The following BTN3A1 variants were observed in gnomAD, a reference collection of about 807,000 sequenced individuals.
BTN3A1 encodes the protein dJ45P21.3 (butyrophilin, subfamily 3, member A1).
A neutral mutation model predicts 43.0 loss-of-function variants in BTN3A1; 24 were observed. The ratio of observed to expected loss-of-function variants is 0.56; its 90% confidence interval spans 0.40 to 0.78. BTN3A1 has a LOEUF of 0.78. Ranked by LOEUF, BTN3A1 falls within the 30% of genes least tolerant of loss-of-function variation. The pLI, the probability that BTN3A1 is intolerant of heterozygous loss-of-function variation, is 0.00. For missense variants in BTN3A1, 533 were observed against 626.2 expected (o/e 0.85, Z 1.59); for synonymous variants, 181 against 234.7 (o/e 0.77, Z 2.09).
At chr6:26,413,121 C>A (rs1762274754) in intron 9 of BTN3A1, 48 bp from the exon 10 acceptor site, 1 of 1,564,306 alleles carries the variant, frequency 6.4e-7, no homozygotes, top group South Asian at 1.2e-5. Flanking sequence ...GCTCTGAAAT[C>A]CAGGAAAAAT....
chr6:26,411,269 T>G, intron 8 of BTN3A1, 134 bp downstream of exon 8: 2 of 1,245,692 alleles, frequency 1.6e-6, no homozygotes, highest in East Asian at 2.4e-5. Flanking sequence ...TTGTGTGTTG[T>G]GGGGGGTTGA....
chr6:26,411,025 A>ATC, intron 7 of BTN3A1, 84 bp from the exon 8 acceptor site: 1 of 796,992 alleles, frequency 1.3e-6, no homozygotes, highest in Non-Finnish European at 2.0e-6. Flanking sequence ...AAAAAAAAAG[A>ATC]TTAGATGGAT....
intron 3 of BTN3A1, among the ~76,000 whole-genome samples, chr6:26,407,071 G>A (rs534524002): frequency 6.6e-6 from 1 of 152,290 alleles, no homozygotes; most frequent in East Asian, 1.9e-4. Flanking sequence ...CATGATGTGG[G>A]GTGGTCTTGT....
chr6:26,413,416 C>G lies in BTN3A1; in HGVS notation c.1266C>G (p.Val422=), dbSNP rs765656749. 6.8e-6 allele frequency: 11 copies of G among 1,614,006 alleles called. No individual in the cohort carries two copies. The highest frequency in any genetic ancestry group is 9.3e-6 in the Non-Finnish European group (11 of 1,180,008). The change falls in exon 10 of 10, where the codon GTC becomes GTG. Residue 422 remains valine, a synonymous_variant. Transcript: ENST00000289361. The part of the protein sequence containing the change: ...CSKNVQRKGW[V]KMTPENGFWT... The stretch of plus-strand genomic sequence containing the variant: ...AGAATGTGCAGAGAAAAGGCTGGGT[C>G]AAAATGACACCTGAGAATGGATTCT...
intron 1 of BTN3A1, among the ~76,000 whole-genome samples, chr6:26,403,061 T>C (rs1476712244): frequency 6.6e-6 from 1 of 152,158 alleles, no homozygotes; most frequent in Non-Finnish European, 1.5e-5. Flanking sequence ...ATTGTATGAA[T>C]ATACAATTTT....
rs747975376 is a variant in BTN3A1 at position 26,409,610 on chromosome 6, G to A, written c.793G>A (p.Gly265Arg). Residue 265 changes from glycine (G) to arginine (R), a missense_variant, in exon 5 of 10, where the codon GGA becomes AGA. Coordinates refer to ENST00000289361, the MANE Select transcript of BTN3A1 (RefSeq NM_007048.6). ...TLPVLLLLLG[G>R]AGYFLWQQQE... ...GCCTGTCTTGCTGCTGCTTCTTGGG[G>A]GAGCCGGTTACTTCCTGTGGCAACA... is the stretch of plus-strand genomic sequence containing the variant. The A allele has an allele frequency of 1.9e-6, 3 of 1,612,236 alleles. No individual in the cohort carries two copies. Among genetic ancestry groups the A allele is most frequent in the Non-Finnish European group, 8.5e-7 (1 of 1,179,532 alleles).
At position 26,405,398 on chromosome 6, in the gene BTN3A1, G is replaced by A; in HGVS notation, c.-166G>A. 1.6e-6 allele frequency: 1 copy of A among 633,176 alleles called. No individual in the cohort carries two copies. Among genetic ancestry groups the A allele is most frequent in the Non-Finnish European group, 2.8e-6 (1 of 352,126 alleles). 39.2% of individuals were successfully genotyped at this position (633,176 alleles called of 1,614,324 possible). On this transcript the variant is annotated 5_prime_UTR_variant, in exon 2 of 10. In the 5' UTR this introduces an upstream ATG that the reference lacks. Coordinates refer to ENST00000289361, the MANE Select transcript of BTN3A1 (RefSeq NM_007048.6). ...TGATTTTCAATGTTGGGACTCAAAG[G>A]TGAAGACACTGAAGGACAGAATTTT...
At position 26,407,731 on chromosome 6, in the gene BTN3A1, A is replaced by G; in HGVS notation, c.494A>G (p.Glu165Gly). The G allele has an allele frequency of 1.2e-6, 2 of 1,614,178 alleles. No homozygotes were observed. The highest frequency in any genetic ancestry group is 1.7e-6 in the Non-Finnish European group (2 of 1,180,018). Residue 165 changes from glutamate to glycine, a missense_variant, in exon 4 of 10, where the codon GAG (glutamate) becomes GGG (glycine). Glu to Gly is a moderately conservative substitution (Grantham distance 98). Transcript: ENST00000289361. Reference sequence around the variant, plus strand: ...TACAAGGATGGAGGGATCCATCTGGAGTGCAGGTCCACTGGCTGGTACCCC... The same window carrying G: ...TACAAGGATGGAGGGATCCATCTGGGGTGCAGGTCCACTGGCTGGTACCCC... ...KGYKDGGIHLECRSTGWYPQP... is the reference protein window; with the variant it reads ...KGYKDGGIHLGCRSTGWYPQP...
Position 26,413,598 on chromosome 6 carries a change from A to G in BTN3A1, c.1448A>G (p.His483Arg), listed in dbSNP as rs757512014. 1 of 1,614,176 alleles carries G rather than the reference A, an allele frequency of 6.2e-7. No homozygotes were observed. Among genetic ancestry groups the G allele is most frequent in the South Asian group, 1.1e-5 (1 of 91,078 alleles). The change falls in exon 10 of 10, where the codon CAT becomes CGT. Residue 483 changes from histidine (H) to arginine (R), a missense_variant. Transcript: ENST00000289361. The part of the protein sequence containing the change: ...FYNAVDGSHI[H>R]TFLDVSFSEA... ...AATGCTGTGGATGGATCGCATATTC[A>G]TACTTTCCTGGACGTCTCCTTCTCT...
At chr6:26,413,025 A>T in intron 9 of BTN3A1, 144 bp from the exon 10 acceptor site, 1 of 1,489,634 alleles carries the variant, frequency 6.7e-7, no homozygotes, top group Non-Finnish European at 8.9e-7. Flanking sequence ...CCTGACATCG[A>T]TGAGAGAGTC....
At chr6:26,411,025 A>AAAAAAAATT in intron 7 of BTN3A1, 84 bp from the exon 8 acceptor site, 15 of 796,962 alleles carry the variant, frequency 1.9e-5, no homozygotes, top group East Asian at 3.0e-5. Context: ...AAAAAAAAAG[A>AAAAAAAATT]TTAGATGGAT....
At position 26,413,184 on chromosome 6, in the gene BTN3A1, A is replaced by T. The variant is rs1214878237; in HGVS notation, c.1034A>T (p.Asp345Val). The part of the protein sequence containing the change: ...ALFKPADVIL[D>V]PKTANPILLV... ...CTCTCTGCAGCGGATGTGATTCTGG[A>T]TCCAAAAACAGCAAACCCCATCCTC... The change falls in exon 10 of 10, where the codon GAT becomes GTT. Residue 345 changes from aspartate (D) to valine (V), a missense_variant. Coordinates refer to ENST00000289361, the MANE Select transcript of BTN3A1 (RefSeq NM_007048.6). 15 of 1,612,438 alleles carry T rather than the reference A, an allele frequency of 9.3e-6. No homozygotes were observed. Among genetic ancestry groups the T allele is most frequent in the Non-Finnish European group, 1.2e-5 (14 of 1,179,118 alleles).
At position 26,413,207 on chromosome 6, in the gene BTN3A1, C is replaced by G; in HGVS notation, c.1057C>G (p.Leu353Val). The change falls in exon 10 of 10, where the codon CTC (leucine) becomes GTC (valine). Residue 353 changes from leucine to valine, a missense_variant. Leu to Val is a conservative substitution (Grantham distance 32). This residue lies in a region of BTN3A1 where 415 missense variants were observed against 427.0 expected (regional missense o/e 0.97). Coordinates refer to ENST00000289361, the MANE Select transcript of BTN3A1 (RefSeq NM_007048.6). ...ILDPKTANPI[L>V]LVSEDQRSVQ... is the part of the protein sequence containing the mutation. Reference sequence around the variant, plus strand: ...GGATCCAAAAACAGCAAACCCCATCCTCCTTGTTTCTGAGGACCAGAGGAG... The same window carrying G: ...GGATCCAAAAACAGCAAACCCCATCGTCCTTGTTTCTGAGGACCAGAGGAG... 6.2e-7 allele frequency: 1 copy of G among 1,614,026 alleles called. No homozygotes were observed.
chr6:26,409,932 C>A lies in BTN3A1; in HGVS notation c.937+18C>A. ...GGAACTCAGTAAGTTCCCATTCCCCCAGAGACCCAGGCATGTCTTCCTGTC... is the reference window on the plus strand; with the variant it reads ...GGAACTCAGTAAGTTCCCATTCCCCAAGAGACCCAGGCATGTCTTCCTGTC... On this transcript the variant is annotated intron_variant, in intron 6 of 9. Transcript: ENST00000289361. 1 of 1,614,168 alleles carries A rather than the reference C, an allele frequency of 6.2e-7. No homozygotes were observed. The highest frequency in any genetic ancestry group is 8.5e-7 in the Non-Finnish European group (1 of 1,180,020).
chr6:26,405,312 A>G (rs990385600), intron 1 of BTN3A1, 60 bp from the exon 2 acceptor site: 4 of 581,388 alleles, frequency 6.9e-6, no homozygotes, highest in African/African-American at 3.7e-5. Context: ...GTTAAACAGT[A>G]CAGTGAGGAT....
chr6:26,406,246 G>T lies in BTN3A1; in HGVS notation c.423G>T (p.Leu141=). The change falls in exon 3 of 10, where the codon CTG becomes CTT. Residue 141 remains leucine (L), a synonymous_variant. Transcript: ENST00000289361. ...GDFYEKALVE[L]KVAALGSDLH... is the part of the protein sequence containing the mutation. The stretch of plus-strand genomic sequence containing the variant: ...TCTATGAAAAAGCCCTGGTGGAGCT[G>T]AAGGTTGCAGGTGAGCCTCCAGGTT... 8.2e-7 allele frequency: 1 copy of T among 1,220,572 alleles called. No homozygotes were observed. 75.6% of individuals were successfully genotyped at this position (1,220,572 alleles called of 1,614,324 possible). A position where few individuals can be genotyped will look rare whatever the true frequency, so the allele number is the denominator to read the frequency against.
In BTN3A1 at chr6:26,413,642, T is replaced by C. The variant is rs1048539288; in HGVS notation, c.1492T>C (p.Phe498Leu). 3 of 1,613,794 alleles carry C rather than the reference T, an allele frequency of 1.9e-6. No homozygotes were observed. Among genetic ancestry groups the C allele is most frequent in the Non-Finnish European group, 2.5e-6 (3 of 1,179,956 alleles). Residue 498 changes from phenylalanine to leucine, a missense_variant, in exon 10 of 10, where the codon TTC (phenylalanine) becomes CTC (leucine). Around this residue, in one of 4 missense-constraint regions of BTN3A1, gnomAD observed 415 missense variants for 427.0 expected, o/e 0.97. Coordinates refer to ENST00000289361, the MANE Select transcript of BTN3A1 (RefSeq NM_007048.6). The part of the protein sequence containing the change: ...VSFSEALYPV[F>L]RILTLEPTAL... ...CTTCTCTGAGGCTCTATATCCTGTT[T>C]TCAGAATTTTGACCTTGGAGCCCAC...
intron 9 of BTN3A1, 154 bp downstream of exon 9, chr6:26,411,735 T>C (rs12214976): frequency 1.1e-6 from 1 of 944,048 alleles, no homozygotes; most frequent in Non-Finnish European, 1.6e-6. Flanking sequence ...ATCTGAAAAG[T>C]GGGCCCATCT....
intron 3 of BTN3A1, 44 bp from the exon 4 acceptor site, chr6:26,407,627 G>A (rs753672026): frequency 1.3e-6 from 2 of 1,597,220 alleles, no homozygotes; most frequent in Admixed American, 1.7e-5. Context: ...GACCCTCTCT[G>A]ATACAGGCCT....
Sources: gnomAD v4.1 joint callset for allele counts (sites outside exome capture counted in the v4.1 genomes callset) on GRCh38, gnomAD v4.1.1 for gene constraint, gnomAD v4.1.1 regional missense constraint, MANE v1.5 for transcripts, NCBI Gene and HGNC (gene_info 2026-07-23, HGNC 2026-07-21) for gene names.